Variants in RNF213 observed in about 807,000 individuals in gnomAD.
RNF213 encodes the protein E3 ubiquitin-protein ligase RNF213.
Under a neutral mutation model 514.4 loss-of-function variants are expected in RNF213, and 341 were observed. That is an observed-to-expected ratio of 0.66 (90% CI 0.61 to 0.73). The LOEUF is 0.73. Among genes scored for constraint, RNF213 ranks in the 30% least tolerant of loss-of-function variants. The probability of loss-of-function intolerance (pLI) is 0.00; values close to 1 mark genes in which losing one functional copy is unlikely to be tolerated. For missense variants in RNF213, 5,767 were observed against 6,615.6 expected (o/e 0.87, Z 4.45); for synonymous variants, 2,655 against 2,658.2 (o/e 1.00, Z 0.04).
Position 80,343,020 on chromosome 17 carries a change from C to A in RNF213, c.5990-112C>A. 1 of 846,294 alleles carries A rather than the reference C, an allele frequency of 1.2e-6. No individual in the cohort carries two copies. Among genetic ancestry groups the A allele is most frequent in the South Asian group, 1.4e-5 (1 of 70,100 alleles). 52.4% of individuals were successfully genotyped at this position (846,294 alleles called of 1,614,324 possible). ...ACGGGATTTCACCACGTTGACCAGGCTGGCTTTGAACTCCTGACCTCAAGT... is the reference window on the plus strand; with the variant it reads ...ACGGGATTTCACCACGTTGACCAGGATGGCTTTGAACTCCTGACCTCAAGT... On this transcript the variant is annotated intron_variant, in intron 26 of 67. Transcript: ENST00000582970. This position sits in a 1 kb window ranked among gnomAD's most constrained non-coding sequence, Gnocchi z 4.3.
At chr17:80,374,004 C>CAAAAAAA (rs397968636) in intron 49 of RNF213, among the ~76,000 whole-genome samples, 2 of 96,208 alleles carry the variant, frequency 2.1e-5, no homozygotes, top group East Asian at 6.0e-4. Flanking sequence ...GACTCCGTCT[C>CAAAAAAA]AAAAAAAAAA....
rs1276368441 is a variant in RNF213 at position 80,347,840 on chromosome 17, C to T, written c.9505C>T (p.Leu3169=). ...CTTTCCCATCCCCCTCATTAACCGGCTGGAGAAGCACTATCTGGATATCAA... is the reference window on the plus strand; with the variant it reads ...CTTTCCCATCCCCCTCATTAACCGGTTGGAGAAGCACTATCTGGATATCAA... ...KHFPIPLINR[L]EKHYLDINTV... is the part of the protein sequence containing the mutation. The change falls in exon 29 of 68, where the codon CTG becomes TTG. Residue 3169 remains leucine, a synonymous_variant. Coordinates refer to ENST00000582970, the MANE Select transcript of RNF213 (RefSeq NM_001256071.3). The surrounding 1 kb of genome is among the most constrained non-coding windows in gnomAD (Gnocchi z 7.2). The T allele has an allele frequency of 6.2e-7, 1 of 1,614,166 alleles. No homozygotes were observed. Among genetic ancestry groups the T allele is most frequent in the African/African-American group, 1.3e-5 (1 of 75,038 alleles).
chr17:80,377,228 T>C lies in RNF213; in HGVS notation c.13510+265T>C. ...ACTTCTGTTCTCTGGAATATGCCAT[T>C]TTGGGAGAAGGGAGGGACTGGGAAC... On this transcript the variant is annotated intron_variant, in intron 53 of 67. Transcript: ENST00000582970. The surrounding 1 kb of genome is among the most constrained non-coding windows in gnomAD (Gnocchi z 4.1). 2.0e-6 allele frequency: 1 copy of C among 497,360 alleles called. No individual in the cohort carries two copies. The highest frequency in any genetic ancestry group is 3.7e-6 in the Non-Finnish European group (1 of 272,902). 30.8% of individuals were successfully genotyped at this position (497,360 alleles called of 1,614,324 possible).
rs1039171436 is a variant in RNF213 at position 80,379,603 on chromosome 17, C to A, written c.13546-17C>A. The A allele has an allele frequency of 5.6e-6, 9 of 1,610,958 alleles. No homozygotes were observed. In the Admixed American group the frequency reaches 1.0e-4, roughly 18 times the overall value. Reference sequence around the variant, plus strand: ...TACTGCTCCAGAAGTGGTTCTAGTGCCCTGTCTTCACCCTAGTGTGGCAGG... The same window carrying A: ...TACTGCTCCAGAAGTGGTTCTAGTGACCTGTCTTCACCCTAGTGTGGCAGG... On this transcript the variant is annotated splice_polypyrimidine_tract_variant and intron_variant, in intron 54 of 67. Coordinates refer to ENST00000582970, the MANE Select transcript of RNF213 (RefSeq NM_001256071.3).
intron 63 of RNF213, among the ~76,000 whole-genome samples, chr17:80,387,502 T>C (rs1397051201): frequency 6.6e-6 from 1 of 152,206 alleles, no homozygotes; most frequent in Non-Finnish European, 1.5e-5. Context: ...CAGATGCCAT[T>C]AGCTGTGCCT....
intron 3 of RNF213, among the ~76,000 whole-genome samples, chr17:80,285,392 G>A (rs781622402): frequency 6.6e-5 from 10 of 152,226 alleles, no homozygotes; most frequent in South Asian, 2.1e-4. Context: ...CCAGGCAGCT[G>A]GCCGGGCAGG....
chr17:80,364,383 T>G, intron 41 of RNF213, 50 bp from the exon 42 acceptor site: 1 of 1,613,094 alleles, frequency 6.2e-7, no homozygotes, highest in Non-Finnish European at 8.5e-7. Context: ...CACCCTTGGG[T>G]TCCTTGGTGG....
At chr17:80,291,584 G>C in intron 7 of RNF213, 44 bp from the exon 8 acceptor site, 1 of 1,587,978 alleles carries the variant, frequency 6.3e-7, no homozygotes. Flanking sequence ...AAAATTTCCG[G>C]GGTAGGAATT....
rs941704597 is a variant in RNF213, at chr17:80,389,034, G to A, written c.15001-139G>A. On this transcript the variant is annotated intron_variant, in intron 64 of 67. Transcript: ENST00000582970. Reference sequence around the variant, plus strand: ...GGCCTCCAGGAACTGCCTGCACACCGTGCGCCCAAGTGTCAGCTGTTAGAG... The same window carrying A: ...GGCCTCCAGGAACTGCCTGCACACCATGCGCCCAAGTGTCAGCTGTTAGAG... The A allele has an allele frequency of 3.7e-5, 29 of 775,796 alleles. 1 individual carries two copies. Among genetic ancestry groups the A allele is most frequent in the South Asian group, 1.7e-4 (11 of 64,678 alleles). The allele number at this position is 775,796 out of a possible 1,614,324, so 48.1% of individuals were successfully genotyped here. A position where few individuals can be genotyped will look rare whatever the true frequency, so the allele number is the denominator to read the frequency against.
At chr17:80,274,019 C>T (rs2043926492) in intron 3 of RNF213, among the ~76,000 whole-genome samples, 1 of 152,142 alleles carries the variant, frequency 6.6e-6, no homozygotes, top group Non-Finnish European at 1.5e-5. Context: ...ATCTGTGTCC[C>T]AAGCTTCTGT....
rs184055393 is a variant in RNF213, at chr17:80,362,647, A to T, written c.11356-455A>T. Among the ~76,000 whole-genome samples the T allele has an allele frequency of 2.6e-5, 4 of 152,378 alleles. No individual in the cohort carries two copies. The East Asian group carries it at 5.8e-4, about 22-fold the overall frequency. On this transcript the variant is annotated intron_variant, in intron 39 of 67. Coordinates refer to ENST00000582970, the MANE Select transcript of RNF213 (RefSeq NM_001256071.3). ...GCGCCCTGCAGGGCTGCGTGGCAGAACAGTTGAGCACCTTATCCGATCTGA... is the reference window on the plus strand; with the variant it reads ...GCGCCCTGCAGGGCTGCGTGGCAGATCAGTTGAGCACCTTATCCGATCTGA...
intron 42 of RNF213, among the ~76,000 whole-genome samples, chr17:80,366,861 T>C (rs2079296060): frequency 6.6e-6 from 1 of 152,232 alleles, no homozygotes; most frequent in African/African-American, 2.4e-5. Context: ...AAGATGTCTA[T>C]ACCAACATCA....
rs779447779 is a variant in RNF213, at chr17:80,298,206, C to T, written c.2013-115C>T. The T allele has an allele frequency of 8.5e-5, 91 of 1,071,712 alleles. 1 individual carries two copies. Among genetic ancestry groups the T allele is most frequent in the Admixed American group, 8.3e-4 (42 of 50,584 alleles). The allele number at this position is 1,071,712 out of a possible 1,614,324, so 66.4% of individuals were successfully genotyped here. A position where few individuals can be genotyped will look rare whatever the true frequency, so the allele number is the denominator to read the frequency against. On this transcript the variant is annotated intron_variant, in intron 10 of 67. Coordinates refer to ENST00000582970, the MANE Select transcript of RNF213 (RefSeq NM_001256071.3). Reference sequence around the variant, plus strand: ...GAGTTAAACTCTGCTCAGCCACGCGCGGTGCTCCTCTTGCTCTGTGTGCAC... The same window carrying T: ...GAGTTAAACTCTGCTCAGCCACGCGTGGTGCTCCTCTTGCTCTGTGTGCAC...
At position 80,383,874 on chromosome 17, in the gene RNF213, G is replaced by T. The variant is rs760462817; in HGVS notation, c.14268G>T (p.Val4756=). The T allele has an allele frequency of 1.2e-6, 2 of 1,614,188 alleles. No homozygotes were observed. Among genetic ancestry groups the T allele is most frequent in the Non-Finnish European group, 1.7e-6 (2 of 1,180,024 alleles). The change falls in exon 59 of 68, where the codon GTG becomes GTT. Residue 4756 remains valine (V), a synonymous_variant. Transcript: ENST00000582970. ...CAGTTGAGTACCTCCAGCACATTGT[G>T]GAACAGAAAAATGGCAAAGAAAGAG... ...RITVEYLQHI[V]EQKNGKERVP...
At chr17:80,261,409 C>A (rs745838852) in intron 1 of RNF213, among the ~76,000 whole-genome samples, 4 of 152,216 alleles carry the variant, frequency 2.6e-5, no homozygotes, top group Admixed American at 6.5e-5. Context: ...TCCGACTTGG[C>A]GAAGTCGCCC....
At chr17:80,300,684 G>A (rs1292648702) in intron 11 of RNF213, among the ~76,000 whole-genome samples, 2 of 151,870 alleles carry the variant, frequency 1.3e-5, no homozygotes, top group African/African-American at 4.8e-5. Context: ...CTTCTGGGTA[G>A]CTGGGACCAC....
intron 30 of RNF213, 72 bp downstream of exon 30, chr17:80,349,978 G>T: frequency 6.4e-7 from 1 of 1,563,602 alleles, no homozygotes; most frequent in Non-Finnish European, 8.8e-7. Flanking sequence ...CGTGGCGATG[G>T]TACCCGCGCC....
In RNF213 at chr17:80,372,784, T is replaced by C. The variant is rs2079567556; in HGVS notation, c.12751+50T>C. On this transcript the variant is annotated intron_variant, in intron 48 of 67. Coordinates refer to ENST00000582970, the MANE Select transcript of RNF213 (RefSeq NM_001256071.3). ...CTTTGGGTTTAAAGACTCCGTTATT[T>C]AGAAATTCAGGAAGTATGGGAAACT... The C allele has an allele frequency of 1.9e-6, 3 of 1,573,046 alleles. No individual in the cohort carries two copies. In the South Asian group the frequency reaches 3.4e-5, roughly 18 times the overall value.
intron 61 of RNF213, 99 bp downstream of exon 61, chr17:80,385,720 G>A: frequency 9.9e-7 from 1 of 1,007,388 alleles, no homozygotes. Flanking sequence ...TCAACACCCA[G>A]CACTGTGTTT....
Sources: gnomAD v4.1 joint callset for allele counts (sites outside exome capture counted in the v4.1 genomes callset) on GRCh38, gnomAD v4.1.1 for gene constraint, Gnocchi (gnomAD v3.1) non-coding constraint, MANE v1.5 for transcripts, NCBI Gene and HGNC (gene_info 2026-07-23, HGNC 2026-07-21) for gene names.